Variants in CBLB observed in about 807,000 individuals in gnomAD.
The protein encoded by CBLB is Cbl proto-oncogene B.
CBLB carries 31 observed loss-of-function variants against 104.9 expected under a neutral mutation model. The observed-to-expected ratio is 0.30, with a 90% CI of 0.22 to 0.40. The LOEUF (loss-of-function observed/expected upper bound fraction) is 0.40. CBLB is among the 10% of genes least tolerant of loss of function. The pLI is 1.00. For missense variants in CBLB, 1,062 were observed against 1,214.6 expected (o/e 0.87, Z 1.87); for synonymous variants, 440 against 422.6 (o/e 1.04, Z -0.51).
intron 3 of CBLB, among the ~76,000 whole-genome samples, chr3:105,810,593 C>T (rs1445715948): frequency 6.6e-6 from 1 of 152,038 alleles, no homozygotes; most frequent in African/African-American, 2.4e-5. Context: ...AACCTATATA[C>T]TCTTCTGTTT....
chr3:105,693,481 C>T lies in CBLB; in HGVS notation c.2054+13G>A, dbSNP rs1166380236. On this transcript the variant is annotated intron_variant, in intron 13 of 18. Coordinates refer to ENST00000394030, the MANE Select transcript of CBLB (RefSeq NM_170662.5). ...TGCATAGACAAGTGATCTCCAAATT[C>T]AACAAAACTCACTTTATGCTAGGGA... The T allele has an allele frequency of 6.3e-7, 1 of 1,580,300 alleles. No individual in the cohort carries two copies. Among genetic ancestry groups the T allele is most frequent in the African/African-American group, 1.3e-5 (1 of 74,104 alleles).
At chr3:105,840,692 G>C in intron 3 of CBLB, among the ~76,000 whole-genome samples, 1 of 152,098 alleles carries the variant, frequency 6.6e-6, no homozygotes, top group East Asian at 1.9e-4. Flanking sequence ...CTCCACACAG[G>C]AAAATGGAAT....
At chr3:105,844,083 C>T (rs894787983) in intron 3 of CBLB, among the ~76,000 whole-genome samples, 1 of 152,174 alleles carries the variant, frequency 6.6e-6, no homozygotes, top group Non-Finnish European at 1.5e-5. Flanking sequence ...TTTGGACACA[C>T]ACGTACATAC....
chr3:105,824,096 T>C (rs2086245371), intron 3 of CBLB: 1 of 152,232 alleles, frequency 6.6e-6, no homozygotes, highest in Non-Finnish European at 1.5e-5. Context: ...TCCTCCTGAG[T>C]AGTGGGAATC....
Position 105,658,648 on chromosome 3 carries a change from GAACA to G in CBLB, c.*318_*321del, listed in dbSNP as rs571535795. On this transcript the variant is annotated 3_prime_UTR_variant, in exon 19 of 19. Transcript: ENST00000394030. The stretch of plus-strand genomic sequence containing the variant: ...CAAAACAAAACTAAACTAAAAACAA[GAACA>G]AACTGCAACTTTGCCAAACTGTAAA... 8.5e-5 allele frequency: 35 copies of G among 412,920 alleles called. No individual in the cohort carries two copies. The highest frequency in any genetic ancestry group is 6.4e-4 in the African/African-American group (33 of 51,248). The allele number at this position is 412,920 out of a possible 1,614,324, so 25.6% of individuals were successfully genotyped here.
At chr3:105,723,395 G>A (rs1184424385) in intron 9 of CBLB, among the ~76,000 whole-genome samples, 1 of 152,120 alleles carries the variant, frequency 6.6e-6, no homozygotes, top group Non-Finnish European at 1.5e-5. Flanking sequence ...AAATGACTCA[G>A]TAGGTTTCAC....
intron 3 of CBLB, among the ~76,000 whole-genome samples, chr3:105,850,599 T>C (rs1238439323): frequency 2.0e-5 from 3 of 152,148 alleles, no homozygotes; most frequent in Non-Finnish European, 4.4e-5. Context: ...AACTCTATCA[T>C]TTTCCTTATT....
chr3:105,810,397 G>A (rs1383936813), intron 3 of CBLB, among the ~76,000 whole-genome samples: 1 of 152,038 alleles, frequency 6.6e-6, no homozygotes, highest in Non-Finnish European at 1.5e-5. Flanking sequence ...CACTTAAGCA[G>A]TTTAATATTT....
intron 3 of CBLB, among the ~76,000 whole-genome samples, chr3:105,818,349 A>G (rs1242694225): frequency 6.6e-6 from 1 of 152,182 alleles, no homozygotes; most frequent in African/African-American, 2.4e-5. Context: ...AGAAGGCTTG[A>G]GACATAAAAT....
At chr3:105,772,036 T>G (rs116578598) in intron 4 of CBLB, among the ~76,000 whole-genome samples, 1 of 152,102 alleles carries the variant, frequency 6.6e-6, no homozygotes, top group African/African-American at 2.4e-5. Flanking sequence ...CTAAGATTCG[T>G]ATGGAACCAA....
intron 10 of CBLB, among the ~76,000 whole-genome samples, chr3:105,718,244 G>T (rs1054921738): frequency 6.6e-6 from 1 of 152,170 alleles, no homozygotes; most frequent in Admixed American, 6.5e-5. Context: ...CAGGATTAAA[G>T]AGTGAAATCG....
intron 4 of CBLB, 125 bp from the exon 5 acceptor site, chr3:105,751,743 T>C (rs999265636): frequency 2.6e-6 from 2 of 757,418 alleles, no homozygotes; most frequent in Non-Finnish European, 4.6e-6. Context: ...AGACAAATAT[T>C]TGAGAATATT....
In CBLB at chr3:105,658,826, G is replaced by T; in HGVS notation, c.*144C>A. 1.2e-6 allele frequency: 1 copy of T among 827,192 alleles called. No homozygotes were observed. The highest frequency in any genetic ancestry group is 1.9e-6 in the Non-Finnish European group (1 of 513,828). The allele number at this position is 827,192 out of a possible 1,614,324, so 51.2% of individuals were successfully genotyped here. On this transcript the variant is annotated 3_prime_UTR_variant, in exon 19 of 19. Coordinates refer to ENST00000394030, the MANE Select transcript of CBLB (RefSeq NM_170662.5). ...TCCTGAGCAAGCATCGGTCTCCTTT[G>T]AGAAGCTGCACTCCCAAGCCTCTTC...
intron 3 of CBLB, among the ~76,000 whole-genome samples, chr3:105,779,102 G>C (rs1213713010): frequency 1.3e-5 from 2 of 152,102 alleles, no homozygotes; most frequent in South Asian, 4.1e-4. Flanking sequence ...TTTATTTTCT[G>C]AATTGGCTGC....
At chr3:105,815,578 A>C (rs762038258) in intron 3 of CBLB, among the ~76,000 whole-genome samples, 2 of 152,200 alleles carry the variant, frequency 1.3e-5, no homozygotes, top group Non-Finnish European at 2.9e-5. Flanking sequence ...GAAAAATAGG[A>C]ATGCTTACAC....
At chr3:105,798,175 T>C (rs1339583411) in intron 3 of CBLB, among the ~76,000 whole-genome samples, 1 of 152,254 alleles carries the variant, frequency 6.6e-6, no homozygotes, top group Non-Finnish European at 1.5e-5. Context: ...TTTAAAATTA[T>C]ATTGAACGAA....
intron 3 of CBLB, among the ~76,000 whole-genome samples, chr3:105,842,793 C>G (rs1353773120): frequency 6.6e-6 from 1 of 152,138 alleles, no homozygotes; most frequent in African/African-American, 2.4e-5. Context: ...TTACAATAAG[C>G]CAGAAAGAGC....
chr3:105,747,689 G>A lies in CBLB; in HGVS notation c.724-1651C>T, dbSNP rs78301363. On this transcript the variant is annotated intron_variant, in intron 5 of 18. Coordinates refer to ENST00000394030, the MANE Select transcript of CBLB (RefSeq NM_170662.5). ...TATTTTAAAAAACTGAGCAATAACTGTTATTCTAGACCCTAGTTTTTGTTT... is the reference window on the plus strand; with the variant it reads ...TATTTTAAAAAACTGAGCAATAACTATTATTCTAGACCCTAGTTTTTGTTT... Among the ~76,000 whole-genome samples the A allele has an allele frequency of 8.2e-3, 1,251 of 152,182 alleles. 16 individuals are homozygous for A. Among genetic ancestry groups the A allele is most frequent in the African/African-American group, 0.029 (1,193 of 41,516 alleles).
intron 6 of CBLB, among the ~76,000 whole-genome samples, chr3:105,742,506 A>T (rs535972935): frequency 1.0e-3 from 154 of 152,326 alleles, no homozygotes; most frequent in Non-Finnish European, 1.6e-3. Context: ...AGAAACTGAA[A>T]ATAGGATATC....
Sources: gnomAD v4.1 joint callset for allele counts (sites outside exome capture counted in the v4.1 genomes callset) on GRCh38, gnomAD v4.1.1 for gene constraint, MANE v1.5 for transcripts, NCBI Gene and HGNC (gene_info 2026-07-23, HGNC 2026-07-21) for gene names.